SYN2: variants seen among roughly 807,000 people sequenced by gnomAD.
SYN2 encodes synapsin II.
A neutral mutation model predicts 50.9 loss-of-function variants in SYN2; 19 were observed. That is an observed-to-expected ratio of 0.37 (90% CI 0.26 to 0.55). The LOEUF (loss-of-function observed/expected upper bound fraction) is 0.55. Among genes scored for constraint, SYN2 ranks in the 20% least tolerant of loss-of-function variants. The pLI, the probability that SYN2 is intolerant of heterozygous loss-of-function variation, is 0.81. For missense variants in SYN2, 587 were observed against 576.4 expected, an observed-to-expected ratio of 1.02 and a Z score of -0.19; for synonymous variants, 255 against 224.9, an observed-to-expected ratio of 1.13 and a Z score of -1.20.
At chr3:12,184,181 CTTTAT>C (rs1392333962) in intron 11 of SYN2, 17 of 985,646 alleles carry the variant, frequency 1.7e-5, no homozygotes, top group Middle Eastern at 1.0e-3. Flanking sequence ...CCAGTGTACC[CTTTAT>C]TTTATTATTA....
intron 1 of SYN2, among the ~76,000 whole-genome samples, chr3:12,057,717 A>G (rs957148292): frequency 6.6e-6 from 1 of 152,164 alleles, no homozygotes; most frequent in Admixed American, 6.5e-5. Context: ...CAATCTCTAT[A>G]GCTTTCTGCT....
rs773381661 is a variant in SYN2, at chr3:12,162,124, A to G, written c.950A>G (p.Gln317Arg). Reference sequence around the variant, plus strand: ...GACTCCAAGTATGACATCCGGGTCCAGAAGATTGGCAACAACTACAAGGCT... The same window carrying G: ...GACTCCAAGTATGACATCCGGGTCCGGAAGATTGGCAACAACTACAAGGCT... ...FIDSKYDIRV[Q>R]KIGNNYKAYM... The change falls in exon 7 of 13, where the codon CAG (glutamine) becomes CGG (arginine). Residue 317 changes from glutamine (Q) to arginine (R), a missense_variant. Coordinates refer to ENST00000621198, the MANE Select transcript of SYN2 (RefSeq NM_133625.6). 1.2e-6 allele frequency: 2 copies of G among 1,614,208 alleles called. No individual in the cohort carries two copies. The highest frequency in any genetic ancestry group is 1.7e-6 in the Non-Finnish European group (2 of 1,180,016).
intron 1 of SYN2, among the ~76,000 whole-genome samples, chr3:12,126,394 C>G (rs1007767282): frequency 6.6e-6 from 1 of 152,210 alleles, no homozygotes; most frequent in African/African-American, 2.4e-5. Flanking sequence ...ATTTCACTTT[C>G]ATGCTGTACT....
Position 12,079,427 on chromosome 3 carries a change from C to T in SYN2, c.378-61224C>T, listed in dbSNP as rs541897263. Among the ~76,000 whole-genome samples the T allele has an allele frequency of 1.4e-4, 21 of 152,036 alleles. No homozygotes were observed. The South Asian group carries it at 1.5e-3, about 11-fold the overall frequency. ...AGCTTTTGCCCATTCAGTATGATAT[C>T]GACTGTGGGTTTGTCATAAATGGCT... On this transcript the variant is annotated intron_variant, in intron 1 of 12. Transcript: ENST00000621198.
intron 1 of SYN2, chr3:12,070,887 C>T (rs1332989204): frequency 1.8e-6 from 1 of 566,960 alleles, no homozygotes; most frequent in Non-Finnish European, 3.5e-6. Flanking sequence ...AGAAGCCGTG[C>T]TATGTTGCCC....
chr3:12,016,175 C>T (rs74430200), intron 1 of SYN2, among the ~76,000 whole-genome samples: 1,549 of 152,290 alleles, frequency 0.01, 40 homozygotes, highest in African/African-American at 0.036. Flanking sequence ...ATATTTCCCT[C>T]TTCTGTCCCT....
intron 11 of SYN2, chr3:12,183,952 G>GT (rs1698284595): frequency 1.0e-6 from 1 of 989,584 alleles, no homozygotes; most frequent in Non-Finnish European, 1.2e-6. Flanking sequence ...CATGACTATT[G>GT]TAACTAGATA....
intron 1 of SYN2, among the ~76,000 whole-genome samples, chr3:12,021,399 A>G (rs307612): frequency 0.74 from 112,564 of 152,064 alleles, 41,871 homozygotes; most frequent in Admixed American, 0.8. Flanking sequence ...GTTAATATCC[A>G]TAAAGCAGTA....
chr3:12,031,215 C>G (rs1295846510), intron 1 of SYN2, among the ~76,000 whole-genome samples: 6 of 56,888 alleles, frequency 1.1e-4, no homozygotes, highest in African/African-American at 1.2e-4. Context: ...ATCCTGAGTT[C>G]TAGTTTGATT....
intron 1 of SYN2, among the ~76,000 whole-genome samples, chr3:12,064,266 G>A (rs1381843530): frequency 6.6e-6 from 1 of 152,042 alleles, no homozygotes; most frequent in Non-Finnish European, 1.5e-5. Flanking sequence ...ACTGTCAAGA[G>A]GAGAACTTAA....
chr3:12,048,959 A>G (rs1288560614), intron 1 of SYN2, among the ~76,000 whole-genome samples: 2 of 152,164 alleles, frequency 1.3e-5, no homozygotes, highest in Non-Finnish European at 2.9e-5. Context: ...GTGGGAACCT[A>G]TATGTCAGTC....
chr3:12,071,249 C>T, intron 1 of SYN2: 1 of 555,380 alleles, frequency 1.8e-6, no homozygotes, highest in Non-Finnish European at 3.6e-6. Context: ...CGCAAGTACT[C>T]TGTGTGGATC....
intron 1 of SYN2, among the ~76,000 whole-genome samples, chr3:12,105,813 T>C (rs948195635): frequency 2.0e-5 from 3 of 152,098 alleles, no homozygotes; most frequent in Non-Finnish European, 1.5e-5. Flanking sequence ...TAGCCTAGCC[T>C]GAAGGGAGGC....
At chr3:12,057,287 CTGTGTGTGTGTG>C (rs59286785) in intron 1 of SYN2, among the ~76,000 whole-genome samples, 52 of 134,004 alleles carry the variant, frequency 3.9e-4, no homozygotes, top group African/African-American at 1.4e-3. Context: ...GCAAGACTGT[CTGTGTGTGTGTG>C]TGTGTGTGTG....
At chr3:12,168,179 G>A (rs914030078) in intron 8 of SYN2, among the ~76,000 whole-genome samples, 197 bp from the exon 9 acceptor site, 4 of 152,096 alleles carry the variant, frequency 2.6e-5, no homozygotes, top group Admixed American at 6.6e-5. Flanking sequence ...CTTTGGGCCT[G>A]CAAAAATGGG....
intron 1 of SYN2, among the ~76,000 whole-genome samples, chr3:12,123,997 C>CA (rs879294527): frequency 6.6e-6 from 1 of 151,950 alleles, no homozygotes; most frequent in Non-Finnish European, 1.5e-5. Flanking sequence ...GCAGACAGAG[C>CA]AAGACCCTGT....
intron 1 of SYN2, among the ~76,000 whole-genome samples, chr3:12,075,856 A>C (rs1435134749): frequency 6.6e-6 from 1 of 152,176 alleles, no homozygotes; most frequent in East Asian, 1.9e-4. Context: ...TAAAACAATG[A>C]ATTAGTCACT....
At chr3:12,052,794 A>T (rs1026060773) in intron 1 of SYN2, among the ~76,000 whole-genome samples, 3 of 152,196 alleles carry the variant, frequency 2.0e-5, no homozygotes, top group South Asian at 2.1e-4. Flanking sequence ...AGGCCAAAGC[A>T]TCATAACATT....
At chr3:12,162,178 TCTC>T in intron 7 of SYN2, 24 bp downstream of exon 7, 1 of 1,612,478 alleles carries the variant, frequency 6.2e-7, no homozygotes, top group Non-Finnish European at 8.5e-7. Flanking sequence ...GGGTATGTTT[TCTC>T]CTCAGTGATG....
Sources: gnomAD v4.1 joint callset for allele counts (sites outside exome capture counted in the v4.1 genomes callset) on GRCh38, gnomAD v4.1.1 for gene constraint, MANE v1.5 for transcripts, NCBI Gene and HGNC (gene_info 2026-07-23, HGNC 2026-07-21) for gene names.